Variants in PEAK1 observed in about 807,000 individuals in gnomAD.
The protein encoded by PEAK1 is pseudopodium enriched atypical kinase 1.
A neutral mutation model predicts 124.7 loss-of-function variants in PEAK1; 54 were observed. That is an observed-to-expected ratio of 0.43 (90% CI 0.35 to 0.54). The LOEUF (loss-of-function observed/expected upper bound fraction) is 0.54. PEAK1 is among the 20% of genes least tolerant of loss of function. The pLI, the probability that PEAK1 is intolerant of heterozygous loss-of-function variation, is 0.01. For synonymous variants in PEAK1, 719 were observed against 760.0 expected, an observed-to-expected ratio of 0.95 and a Z score of 0.89; for missense variants, 2,046 against 2,134.5, an observed-to-expected ratio of 0.96 and a Z score of 0.82.
intron 5 of PEAK1, among the ~76,000 whole-genome samples, 169 bp from the exon 6 acceptor site, chr15:77,252,695 CACACTCAAG>C (rs1164684310): frequency 1.9e-4 from 29 of 152,152 alleles, no homozygotes; most frequent in Non-Finnish European, 2.9e-5. Flanking sequence ...TAGAACCTCA[CACACTCAAG>C]ACCTCCCCAT....
chr15:77,403,008 A>G lies in PEAK1; in HGVS notation c.-666+16998T>C, dbSNP rs374094484. On this transcript the variant is annotated intron_variant, in intron 1 of 9. Coordinates refer to ENST00000682557, the MANE Select transcript of PEAK1 (RefSeq NM_001385026.1). ...TTTGCTCTTGCATTATGATTTTGTTATACTTCCACTCTAAGCAATGATGAA... is the reference window on the plus strand; with the variant it reads ...TTTGCTCTTGCATTATGATTTTGTTGTACTTCCACTCTAAGCAATGATGAA... The G allele has an allele frequency of 6.8e-5, 67 of 985,256 alleles. No homozygotes were observed. In the African/African-American group the frequency reaches 1.1e-3, roughly 16 times the overall value. The allele number at this position is 985,256 out of a possible 1,614,324, so 61.0% of individuals were successfully genotyped here. A position where few individuals can be genotyped will look rare whatever the true frequency, so the allele number is the denominator to read the frequency against.
intron 6 of PEAK1, among the ~76,000 whole-genome samples, chr15:77,202,811 C>G (rs1247197853): frequency 6.6e-6 from 1 of 151,044 alleles, no homozygotes; most frequent in Admixed American, 6.6e-5. Context: ...CCGAGGTGGG[C>G]AGACTGCTTG....
intron 2 of PEAK1, chr15:77,333,165 T>G: frequency 1.1e-6 from 1 of 939,954 alleles, no homozygotes; most frequent in African/African-American, 1.8e-5. Flanking sequence ...TTTATTTATT[T>G]ATAGCAAAGA....
chr15:77,292,603 C>A (rs1453571297), intron 2 of PEAK1, among the ~76,000 whole-genome samples: 1 of 151,964 alleles, frequency 6.6e-6, no homozygotes, highest in African/African-American at 2.4e-5. Context: ...AAGAGTATCA[C>A]CTTGTCCAAC....
chr15:77,374,705 T>C (rs2068877925), intron 1 of PEAK1, among the ~76,000 whole-genome samples: 1 of 152,150 alleles, frequency 6.6e-6, no homozygotes, highest in African/African-American at 2.4e-5. Flanking sequence ...ATTCATGCTG[T>C]AGGCAGTTTC....
chr15:77,308,823 A>T (rs1301434270), intron 2 of PEAK1, among the ~76,000 whole-genome samples: 2 of 152,100 alleles, frequency 1.3e-5, no homozygotes, highest in African/African-American at 2.4e-5. Flanking sequence ...ACAATGAGGG[A>T]GAAGAAAAAA....
intron 5 of PEAK1, among the ~76,000 whole-genome samples, chr15:77,266,784 C>G (rs2061758444): frequency 6.6e-6 from 1 of 152,166 alleles, no homozygotes; most frequent in Admixed American, 6.5e-5. Context: ...AACTTCTGCT[C>G]CAACAACTAC....
intron 9 of PEAK1, among the ~76,000 whole-genome samples, chr15:77,122,285 A>G (rs1031253222): frequency 6.6e-6 from 1 of 152,182 alleles, no homozygotes; most frequent in Non-Finnish European, 1.5e-5. Flanking sequence ...TGGATCCTAG[A>G]AGAGAAATTC....
At chr15:77,178,429 A>T (rs891547747) in intron 7 of PEAK1, 3 of 272,548 alleles carry the variant, frequency 1.1e-5, no homozygotes, top group African/African-American at 6.5e-5. Flanking sequence ...AAAGAACAGT[A>T]CCACCATTTA....
intron 9 of PEAK1, among the ~76,000 whole-genome samples, chr15:77,116,139 G>A (rs1195740925): frequency 3.3e-5 from 5 of 152,286 alleles, no homozygotes; most frequent in South Asian, 2.1e-4. Flanking sequence ...ATACTGTGAC[G>A]ATTCTATTTC....
downstream of PEAK1, chr15:77,104,654 A>G (rs1035362026): frequency 6.6e-6 from 1 of 152,300 alleles, no homozygotes; most frequent in Non-Finnish European, 1.5e-5. Context: ...TTCTTTGGAC[A>G]CCAAGAAGCC....
chr15:77,158,650 T>A lies in PEAK1; in HGVS notation c.3184A>T (p.Arg1062Ter). ...CCATCTTGCTTCCCAACAACAGTTC[T>A]TGGATCCCGAGGAGAAAAATCCTCT... ...VTEDFSPRDP[R>*]TVVGKQDGRG... Residue 1062 changes from arginine (R) to a stop codon, truncating the protein, a stop_gained, in exon 8 of 10, where the codon AGA becomes TGA. Transcript: ENST00000682557. LOFTEE classifies it high-confidence loss of function. 1 of 1,614,144 alleles carries A rather than the reference T, an allele frequency of 6.2e-7. No individual in the cohort carries two copies. Among genetic ancestry groups the A allele is most frequent in the Non-Finnish European group, 8.5e-7 (1 of 1,179,966 alleles).
intron 2 of PEAK1, among the ~76,000 whole-genome samples, chr15:77,318,750 T>A (rs1297476447): frequency 2.6e-5 from 4 of 152,054 alleles, no homozygotes; most frequent in Admixed American, 2.0e-4. Context: ...TTAGCAAACA[T>A]GCGGTATAAG....
chr15:77,319,722 C>T (rs185467295), intron 2 of PEAK1, among the ~76,000 whole-genome samples: 1 of 152,148 alleles, frequency 6.6e-6, no homozygotes. Context: ...TTTTGTGCAC[C>T]ATCAATCCCT....
chr15:77,322,991 A>G (rs1456355510), intron 2 of PEAK1, among the ~76,000 whole-genome samples: 1 of 152,238 alleles, frequency 6.6e-6, no homozygotes, highest in Non-Finnish European at 1.5e-5. Context: ...ACACAAATCA[A>G]TAAACGTAAT....
intron 2 of PEAK1, chr15:77,349,099 G>A: frequency 2.7e-6 from 2 of 731,832 alleles, no homozygotes; most frequent in Non-Finnish European, 3.3e-6. Context: ...GAGTGCAGTG[G>A]TGTGATCTCG....
intron 2 of PEAK1, among the ~76,000 whole-genome samples, chr15:77,341,172 C>T (rs922878866): frequency 2.6e-5 from 4 of 152,050 alleles, no homozygotes; most frequent in African/African-American, 9.7e-5. Context: ...AGTTAGGGCA[C>T]TTACCCTCCC....
intron 5 of PEAK1, among the ~76,000 whole-genome samples, chr15:77,272,772 C>A (rs558099300): frequency 4.0e-5 from 6 of 150,532 alleles, no homozygotes; most frequent in Admixed American, 6.6e-5. Context: ...AAGCCGGTAT[C>A]ACCCTAATAC....
intron 1 of PEAK1, among the ~76,000 whole-genome samples, chr15:77,375,293 G>A (rs1597492673): frequency 1.3e-5 from 2 of 151,948 alleles, no homozygotes; most frequent in African/African-American, 4.8e-5. Flanking sequence ...AAATAATCTC[G>A]CCACAGTCAG....
Sources: allele counts gnomAD v4.1 joint callset (sites outside exome capture counted in the v4.1 genomes callset), GRCh38; gene constraint gnomAD v4.1.1; transcripts MANE v1.5; gene names NCBI Gene and HGNC (gene_info 2026-07-23, HGNC 2026-07-21).